Variants in KIAA1549L observed in about 807,000 individuals in gnomAD.
KIAA1549L encodes KIAA1549 like.
Under a neutral mutation model 160.7 loss-of-function variants are expected in KIAA1549L, and 88 were observed. That is an observed-to-expected ratio of 0.55 (90% CI 0.46 to 0.65). KIAA1549L has a LOEUF of 0.65. Ranked by LOEUF, KIAA1549L falls within the 30% of genes least tolerant of loss-of-function variation. KIAA1549L has a pLI of 0.00. For missense variants in KIAA1549L, 2,258 were observed against 2,437.5 expected (o/e 0.93, Z 1.55); for synonymous variants, 950 against 976.7 (o/e 0.97, Z 0.51).
intron 1 of KIAA1549L, among the ~76,000 whole-genome samples, chr11:33,523,824 A>G (rs767305202): frequency 2.0e-5 from 3 of 152,232 alleles, no homozygotes; most frequent in Admixed American, 6.5e-5. Flanking sequence ...TAATTTTTAT[A>G]TAATTGCACA....
At position 33,552,145 on chromosome 11, in the gene KIAA1549L, C is replaced by T; in HGVS notation, c.3759C>T (p.Ser1253=). The stretch of plus-strand genomic sequence containing the variant: ...TGAGCCAAGCGGACAACATACAGTC[C>T]TGCAAGTTTGCTCAGACAATGGAAC... ...QFVSQADNIQ[S]CKFAQTMEQR... The change falls in exon 6 of 21, where the codon TCC becomes TCT. Residue 1253 remains serine (S), a synonymous_variant. Coordinates refer to ENST00000658780, the MANE Select transcript of KIAA1549L (RefSeq NM_012194.3). The T allele has an allele frequency of 1.2e-6, 2 of 1,613,364 alleles. No individual in the cohort carries two copies. Among genetic ancestry groups the T allele is most frequent in the Non-Finnish European group, 1.7e-6 (2 of 1,179,678 alleles).
At chr11:33,661,827 C>A (rs1270765130) in intron 20 of KIAA1549L, among the ~76,000 whole-genome samples, 1 of 143,388 alleles carries the variant, frequency 7.0e-6, no homozygotes, top group Non-Finnish European at 1.5e-5. Context: ...TTGCAGTGAG[C>A]CAAGATCGCG....
At chr11:33,425,355 C>T (rs61887170) in intron 1 of KIAA1549L, among the ~76,000 whole-genome samples, 4 of 151,982 alleles carry the variant, frequency 2.6e-5, no homozygotes, top group Admixed American at 2.6e-4. Context: ...GTACTTGCAG[C>T]AAATAAAGTG....
chr11:33,441,864 G>C (rs1410944782), intron 1 of KIAA1549L, among the ~76,000 whole-genome samples: 1 of 152,168 alleles, frequency 6.6e-6, no homozygotes, highest in African/African-American at 2.4e-5. Context: ...CTCCCATTCT[G>C]TAGGTTGCCT....
In KIAA1549L at chr11:33,576,366, C is replaced by G. The variant is rs181937420; in HGVS notation, c.4402+1493C>G. ...TTGTCTAGGAATGACGATGGTCACT[C>G]TCTGCAATCTTGTTTTTCAAAGTGA... On this transcript the variant is annotated intron_variant, in intron 10 of 20. Transcript: ENST00000658780. Among the ~76,000 whole-genome samples the G allele has an allele frequency of 9.8e-5, 15 of 152,312 alleles. No individual in the cohort carries two copies. In the East Asian group the frequency reaches 2.9e-3, roughly 29 times the overall value.
At chr11:33,508,897 G>T (rs978980890) in intron 1 of KIAA1549L, among the ~76,000 whole-genome samples, 1 of 152,166 alleles carries the variant, frequency 6.6e-6, no homozygotes, top group Non-Finnish European at 1.5e-5. Flanking sequence ...CAGTTTCTTT[G>T]TGTATAAAAT....
intron 13 of KIAA1549L, 142 bp downstream of exon 13, chr11:33,599,089 GC>G: frequency 2.1e-6 from 2 of 948,698 alleles, no homozygotes; most frequent in Non-Finnish European, 3.1e-6. Context: ...CCCCACAAGG[GC>G]CAGGAGTCTG....
intron 13 of KIAA1549L, among the ~76,000 whole-genome samples, chr11:33,601,036 AT>A (rs541704739): frequency 6.6e-6 from 1 of 152,012 alleles, no homozygotes; most frequent in Non-Finnish European, 1.5e-5. Context: ...TCTTTATTCT[AT>A]TTAGGTCACT....
intron 1 of KIAA1549L, among the ~76,000 whole-genome samples, chr11:33,497,475 A>G (rs1222512001): frequency 1.3e-5 from 2 of 152,170 alleles, no homozygotes; most frequent in Admixed American, 6.5e-5. Flanking sequence ...TTTTGGAGAA[A>G]TGTCACCCTA....
At chr11:33,485,680 A>G (rs901241815) in intron 1 of KIAA1549L, among the ~76,000 whole-genome samples, 7 of 152,146 alleles carry the variant, frequency 4.6e-5, no homozygotes, top group Non-Finnish European at 7.4e-5. Context: ...CAAGTGTACA[A>G]TACTTTGTTG....
chr11:33,455,149 A>G (rs1056135076), intron 1 of KIAA1549L, among the ~76,000 whole-genome samples: 1 of 152,220 alleles, frequency 6.6e-6, no homozygotes, highest in African/African-American at 2.4e-5. Flanking sequence ...TAGCAAAACA[A>G]AGGTTTAATG....
chr11:33,581,746 C>T (rs985671173), intron 10 of KIAA1549L, among the ~76,000 whole-genome samples: 1 of 152,156 alleles, frequency 6.6e-6, no homozygotes, highest in Non-Finnish European at 1.5e-5. Context: ...CCAATGAACA[C>T]AACATTGAGT....
intron 13 of KIAA1549L, among the ~76,000 whole-genome samples, chr11:33,602,259 A>G (rs530072616): frequency 5.4e-4 from 83 of 152,294 alleles, no homozygotes; most frequent in African/African-American, 1.9e-3. Flanking sequence ...TTAGAGGATG[A>G]ATTACTAATT....
intron 15 of KIAA1549L, among the ~76,000 whole-genome samples, chr11:33,614,584 ATTTTTTTTTTTTT>A (rs869257067): frequency 3.9e-4 from 2 of 5,116 alleles, no homozygotes; most frequent in African/African-American, 6.7e-4. Context: ...ATATATATAT[ATTTTTTTTTTTTT>A]TTTTTTTTTT....
chr11:33,408,719 T>TGATCCG (rs1462816798), intron 1 of KIAA1549L, among the ~76,000 whole-genome samples: 68 of 145,572 alleles, frequency 4.7e-4, no homozygotes, highest in African/African-American at 1.6e-3. Context: ...ACGGATCACA[T>TGATCCG]GAGGCCCGGA....
chr11:33,617,386 A>AT (rs1169966854), intron 15 of KIAA1549L, among the ~76,000 whole-genome samples: 2 of 152,104 alleles, frequency 1.3e-5, no homozygotes, highest in African/African-American at 4.8e-5. Flanking sequence ...CTTTGAAAAG[A>AT]TTTTTCTAAT....
chr11:33,501,499 G>C (rs866749465), intron 1 of KIAA1549L, among the ~76,000 whole-genome samples: 1 of 152,102 alleles, frequency 6.6e-6, no homozygotes, highest in Non-Finnish European at 1.5e-5. Flanking sequence ...AACTGTATTT[G>C]GTAATCAGAC....
intron 2 of KIAA1549L, 41 bp downstream of exon 2, chr11:33,544,377 C>CA: frequency 6.3e-7 from 1 of 1,592,032 alleles, no homozygotes; most frequent in African/African-American, 1.3e-5. Flanking sequence ...CCGGTACCCC[C>CA]AAAACAGGCA....
At chr11:33,606,592 A>G (rs779280708) in intron 13 of KIAA1549L, 49 bp from the exon 14 acceptor site, 7 of 1,574,736 alleles carry the variant, frequency 4.4e-6, no homozygotes, top group Non-Finnish European at 6.1e-6. Context: ...TCCTGGGATC[A>G]CACAGCTCCC....
Sources: allele counts gnomAD v4.1 joint callset (sites outside exome capture counted in the v4.1 genomes callset), GRCh38; gene constraint gnomAD v4.1.1; transcripts MANE v1.5; gene names NCBI Gene and HGNC (gene_info 2026-07-23, HGNC 2026-07-21).